Variants in NELL2 observed in about 807,000 individuals in gnomAD.
NELL2 encodes the protein neural EGFL like 2.
NELL2 carries 41 observed loss-of-function variants against 109.6 expected under a neutral mutation model. The observed-to-expected ratio is 0.37, with a 90% CI of 0.29 to 0.49. The LOEUF is 0.49. Ranked by LOEUF, NELL2 falls within the 20% of genes least tolerant of loss-of-function variation. The pLI is 0.98. For synonymous variants in NELL2, 355 were observed against 344.7 expected (o/e 1.03, Z -0.33); for missense variants, 900 against 1,008.3 (o/e 0.89, Z 1.45).
intron 15 of NELL2, among the ~76,000 whole-genome samples, chr12:44,579,080 C>T (rs1386814826): frequency 2.6e-5 from 4 of 152,096 alleles, no homozygotes. Flanking sequence ...CTAAAAACAT[C>T]AGAGATTTTA....
chr12:44,634,786 C>T (rs559632711), intron 13 of NELL2, among the ~76,000 whole-genome samples: 5 of 152,274 alleles, frequency 3.3e-5, no homozygotes, highest in African/African-American at 7.2e-5. Flanking sequence ...TACACTCCCA[C>T]GAACAGTGTA....
chr12:44,591,708 G>T (rs1044627656), intron 15 of NELL2, among the ~76,000 whole-genome samples: 1 of 152,060 alleles, frequency 6.6e-6, no homozygotes, highest in African/African-American at 2.4e-5. Flanking sequence ...ACTGTAGAGT[G>T]ATTATATTTA....
In NELL2 at chr12:44,597,901, A is replaced by G. The variant is rs531336744; in HGVS notation, c.1663+9268T>C. Reference sequence around the variant, plus strand: ...AGGATCTAGAAATGTTGAGGGCTGAAAGCAGGACAAATGCAGGAGATGCTT... The same window carrying G: ...AGGATCTAGAAATGTTGAGGGCTGAGAGCAGGACAAATGCAGGAGATGCTT... On this transcript the variant is annotated intron_variant, in intron 15 of 19. Transcript: ENST00000429094. Among the ~76,000 whole-genome samples the G allele has an allele frequency of 3.9e-5, 6 of 152,326 alleles. No homozygotes were observed. In the East Asian group the frequency reaches 7.7e-4, roughly 20 times the overall value.
chr12:44,777,383 T>C, intron 5 of NELL2, 69 bp from the exon 6 acceptor site: 1 of 1,246,370 alleles, frequency 8.0e-7, no homozygotes. Flanking sequence ...AATGGTCAAG[T>C]TCATGAAGGA....
intron 13 of NELL2, among the ~76,000 whole-genome samples, chr12:44,626,708 T>C: frequency 6.6e-6 from 1 of 152,100 alleles, no homozygotes; most frequent in East Asian, 1.9e-4. Flanking sequence ...TTTTTTTTTA[T>C]TGATGATATG....
intron 10 of NELL2, among the ~76,000 whole-genome samples, chr12:44,711,734 A>C (rs1480181290): frequency 6.6e-6 from 1 of 152,184 alleles, no homozygotes; most frequent in East Asian, 1.9e-4. Context: ...TACAGTTTGA[A>C]TTATATCAAC....
At chr12:44,875,377 G>A in intron 1 of NELL2, 24 bp from the exon 2 acceptor site, 1 of 1,613,962 alleles carries the variant, frequency 6.2e-7, no homozygotes, top group Non-Finnish European at 8.5e-7. Context: ...TGAGGTGGGA[G>A]AGAGAAAAAG....
chr12:44,879,062 A>G (rs1174195478), upstream of NELL2, among the ~76,000 whole-genome samples: 2 of 152,176 alleles, frequency 1.3e-5, no homozygotes, highest in African/African-American at 4.8e-5. Context: ...AAGGAGGCAT[A>G]AGAGGAGGTC....
chr12:44,707,533 T>C (rs1257094684), intron 11 of NELL2, among the ~76,000 whole-genome samples: 1 of 152,150 alleles, frequency 6.6e-6, no homozygotes, highest in Non-Finnish European at 1.5e-5. Flanking sequence ...TTTTTTGCCA[T>C]GAAACTTGAA....
At chr12:44,592,496 T>C (rs1415339433) in intron 15 of NELL2, among the ~76,000 whole-genome samples, 1 of 151,894 alleles carries the variant, frequency 6.6e-6, no homozygotes, top group Non-Finnish European at 1.5e-5. Flanking sequence ...GTTAGGTAGA[T>C]AGACAGACAC....
chr12:44,697,895 T>C (rs1352799703), intron 12 of NELL2, among the ~76,000 whole-genome samples: 1 of 152,186 alleles, frequency 6.6e-6, no homozygotes, highest in East Asian at 1.9e-4. Flanking sequence ...AAGTCCAAAA[T>C]CAAGGTGTTG....
chr12:44,633,104 G>C (rs1316807802), intron 13 of NELL2, among the ~76,000 whole-genome samples: 1 of 151,880 alleles, frequency 6.6e-6, no homozygotes, highest in East Asian at 1.9e-4. Context: ...CATGTAGTTA[G>C]GCAAAAGAAA....
intron 2 of NELL2, among the ~76,000 whole-genome samples, chr12:44,822,092 G>A (rs1005567398): frequency 1.3e-5 from 2 of 151,928 alleles, no homozygotes; most frequent in African/African-American, 4.8e-5. Context: ...TATGCATTAA[G>A]CAATCTTTCA....
chr12:44,803,510 G>A (rs1183223293), intron 3 of NELL2, among the ~76,000 whole-genome samples: 3 of 151,984 alleles, frequency 2.0e-5, no homozygotes, highest in Admixed American at 6.6e-5. Flanking sequence ...TGAAGCAAAT[G>A]AGCTATAAAA....
intron 12 of NELL2, among the ~76,000 whole-genome samples, chr12:44,687,185 C>T (rs1948749547): frequency 6.6e-6 from 1 of 152,206 alleles, no homozygotes; most frequent in African/African-American, 2.4e-5. Flanking sequence ...CTGTCTGTCA[C>T]CACTTTCTTT....
intron 13 of NELL2, among the ~76,000 whole-genome samples, chr12:44,640,300 T>C (rs1330921507): frequency 6.6e-6 from 1 of 152,144 alleles, no homozygotes; most frequent in Non-Finnish European, 1.5e-5. Flanking sequence ...CCCCACAAGG[T>C]AGATGCTATT....
At chr12:44,746,817 G>T (rs1337322447) in intron 9 of NELL2, among the ~76,000 whole-genome samples, 2 of 152,192 alleles carry the variant, frequency 1.3e-5, no homozygotes. Context: ...TGGAGAGGAT[G>T]TGGAGAAATA....
In NELL2 at chr12:44,774,758, T is replaced by A. The variant is rs768340612; in HGVS notation, c.983A>T (p.Lys328Met). Reference protein sequence around the residue: ...ALAYVDGKCCKECKSICQFQG... With the variant: ...ALAYVDGKCCMECKSICQFQG... ...AAAGTTATGCTCACATTTGCATTCC[T>A]TACAGCATTTGCCATCCACATACGC... Residue 328 changes from lysine (K) to methionine (M), a missense_variant, in exon 9 of 20, where the codon AAG becomes ATG. Transcript: ENST00000429094. The A allele has an allele frequency of 1.2e-6, 2 of 1,613,662 alleles. No individual in the cohort carries two copies. The highest frequency in any genetic ancestry group is 4.5e-5 in the East Asian group (2 of 44,880).
At chr12:44,585,156 T>C (rs552395629) in intron 15 of NELL2, among the ~76,000 whole-genome samples, 2 of 152,362 alleles carry the variant, frequency 1.3e-5, no homozygotes, top group South Asian at 4.1e-4. Flanking sequence ...CTTGGCAGTA[T>C]CCAATGTTCA....
Sources: allele counts gnomAD v4.1 joint callset (sites outside exome capture counted in the v4.1 genomes callset), GRCh38; gene constraint gnomAD v4.1.1; transcripts MANE v1.5; gene names NCBI Gene and HGNC (gene_info 2026-07-23, HGNC 2026-07-21).